FRY: variants seen among roughly 807,000 people sequenced by gnomAD.
The protein encoded by FRY is FRY microtubule binding protein.
A neutral mutation model predicts 348.4 loss-of-function variants in FRY; 128 were observed. The observed-to-expected ratio is 0.37, with a 90% CI of 0.32 to 0.43. The LOEUF is 0.43. FRY is among the 20% of genes least tolerant of loss of function. FRY has a pLI of 1.00. For missense variants in FRY, 2,736 were observed against 3,695.2 expected (o/e 0.74, Z 6.73); for synonymous variants, 1,370 against 1,374.7 (o/e 1.00, Z 0.08).
intron 59 of FRY, among the ~76,000 whole-genome samples, chr13:32,292,823 A>AATAG (rs1889442852): frequency 6.6e-6 from 1 of 151,686 alleles, no homozygotes; most frequent in African/African-American, 2.4e-5. Flanking sequence ...TAAATAAATA[A>AATAG]ATAAAGCAAA....
intron 36 of FRY, among the ~76,000 whole-genome samples, chr13:32,219,112 G>A (rs1286194863): frequency 1.4e-5 from 2 of 138,936 alleles, no homozygotes; most frequent in South Asian, 2.2e-4. Context: ...TTTTTGAGAC[G>A]GAGTCTCGCT....
chr13:32,141,495 T>G (rs1880068087), intron 11 of FRY, among the ~76,000 whole-genome samples: 1 of 152,244 alleles, frequency 6.6e-6, no homozygotes, highest in Non-Finnish European at 1.5e-5. Context: ...ATTATCTGTC[T>G]CACTAGGTCT....
chr13:32,201,878 A>T (rs955285491), intron 29 of FRY, 63 bp from the exon 30 acceptor site: 2 of 918,016 alleles, frequency 2.2e-6, no homozygotes, highest in African/African-American at 3.2e-5. Context: ...TTTAAGAGGT[A>T]ACAATCTAGC....
chr13:32,098,270 A>T (rs1876898408), intron 2 of FRY, among the ~76,000 whole-genome samples: 1 of 152,100 alleles, frequency 6.6e-6, no homozygotes, highest in South Asian at 2.1e-4. Flanking sequence ...AATAAATACT[A>T]TATGTATTCA....
intron 56 of FRY, among the ~76,000 whole-genome samples, chr13:32,276,018 G>A (rs1017439858): frequency 1.3e-5 from 2 of 152,096 alleles, no homozygotes; most frequent in Non-Finnish European, 2.9e-5. Context: ...TTTGGTGGCT[G>A]TCTTATAGCA....
chr13:32,150,667 G>T (rs1593670627), intron 14 of FRY, among the ~76,000 whole-genome samples: 1 of 152,072 alleles, frequency 6.6e-6, no homozygotes, highest in East Asian at 1.9e-4. Context: ...AAGGAAGAAA[G>T]AGAGAGAGAG....
intron 4 of FRY, among the ~76,000 whole-genome samples, chr13:32,122,523 C>T (rs963863383): frequency 2.0e-5 from 3 of 151,534 alleles, no homozygotes; most frequent in Non-Finnish European, 4.4e-5. Flanking sequence ...AATCGGCATA[C>T]AAGGGACATA....
intron 3 of FRY, among the ~76,000 whole-genome samples, chr13:32,116,742 G>A (rs1420342920): frequency 2.0e-5 from 3 of 152,094 alleles, no homozygotes; most frequent in East Asian, 1.9e-4. Flanking sequence ...TTCTACCAAA[G>A]GCACATTTGT....
chr13:32,209,875 T>C (rs1884586211), intron 33 of FRY, 144 bp downstream of exon 33: 2 of 852,628 alleles, frequency 2.3e-6, no homozygotes, highest in East Asian at 5.2e-5. Context: ...CATCCAGATA[T>C]TACATAAAAG....
At chr13:32,045,415 C>A (rs1163428902) in intron 1 of FRY, among the ~76,000 whole-genome samples, 1 of 152,204 alleles carries the variant, frequency 6.6e-6, no homozygotes, top group Non-Finnish European at 1.5e-5. Flanking sequence ...GCTGCTACTG[C>A]CTTTCCAGGA....
Position 32,231,293 on chromosome 13 carries a change from C to A in FRY, c.5520C>A (p.Ser1840=), listed in dbSNP as rs1427984229. ...LRHVVSVFKD[S]KSGFHLEHQL... ...ACGTTGTATCTGTATTTAAAGATTC[C>A]AAATCAGGTACTTCATCTTATTTGC... Residue 1840 remains serine (S), a synonymous_variant, in exon 41 of 61, where the codon TCC becomes TCA. Transcript: ENST00000542859. 6 of 1,613,048 alleles carry A rather than the reference C, an allele frequency of 3.7e-6. No individual in the cohort carries two copies. Among genetic ancestry groups the A allele is most frequent in the South Asian group, 1.1e-5 (1 of 91,058 alleles).
chr13:32,202,926 G>A (rs1327803033), intron 31 of FRY, among the ~76,000 whole-genome samples: 1 of 146,548 alleles, frequency 6.8e-6, no homozygotes, highest in Non-Finnish European at 1.5e-5. Flanking sequence ...CCCAACCTGG[G>A]CAACAGAGTG....
chr13:32,254,456 C>A (rs1593806316), intron 51 of FRY, 62 bp downstream of exon 51: 3 of 1,363,102 alleles, frequency 2.2e-6, no homozygotes, highest in East Asian at 4.6e-5. Flanking sequence ...TGAAACTATT[C>A]TTTTTACCTG....
intron 31 of FRY, among the ~76,000 whole-genome samples, chr13:32,208,228 A>C (rs545171066): frequency 6.6e-6 from 1 of 152,210 alleles, no homozygotes; most frequent in Non-Finnish European, 1.5e-5. Flanking sequence ...AGAGATCCGC[A>C]TGTCACTTTT....
intron 58 of FRY, among the ~76,000 whole-genome samples, chr13:32,279,021 A>G (rs1888685683): frequency 6.6e-6 from 1 of 152,220 alleles, no homozygotes; most frequent in African/African-American, 2.4e-5. Flanking sequence ...ATGGATGAAA[A>G]TCATTCATTC....
chr13:32,114,540 A>G (rs1189121912), intron 3 of FRY, among the ~76,000 whole-genome samples: 1 of 152,182 alleles, frequency 6.6e-6, no homozygotes, highest in Non-Finnish European at 1.5e-5. Context: ...CCAAGATACC[A>G]TTCAGCATAC....
Position 32,236,170 on chromosome 13 carries a change from C to A in FRY, c.5808C>A (p.Ser1936=). 3 of 1,604,804 alleles carry A rather than the reference C, an allele frequency of 1.9e-6. No homozygotes were observed. Among genetic ancestry groups the A allele is most frequent in the Non-Finnish European group, 2.6e-6 (3 of 1,171,724 alleles). ...LKNSDLLTVL[S]RSSSPDLSSS... is the part of the protein sequence containing the mutation. ...ACAGTGACCTCCTAACTGTATTGTCCCGGTGAGAATCAGCTTAATGATACT... is the reference window on the plus strand; with the variant it reads ...ACAGTGACCTCCTAACTGTATTGTCACGGTGAGAATCAGCTTAATGATACT... The change falls in exon 43 of 61, where the codon TCC becomes TCA. Residue 1936 remains serine, a splice_region_variant and synonymous_variant. Transcript: ENST00000542859.
rs536940516 is a variant in FRY at position 32,223,974 on chromosome 13, T to C, written c.4766-261T>C. 3.9e-4 allele frequency among the ~76,000 whole-genome samples: 60 copies of C among 152,072 alleles called. No individual in the cohort carries two copies. In the South Asian group the frequency reaches 4.6e-3, roughly 12 times the overall value. Reference sequence around the variant, plus strand: ...CTGGTTTTGAACTCCTGACCTCAGGTGATCCACCCACCTCAGCCTCCCAAA... The same window carrying C: ...CTGGTTTTGAACTCCTGACCTCAGGCGATCCACCCACCTCAGCCTCCCAAA... On this transcript the variant is annotated intron_variant, in intron 36 of 60. Coordinates refer to ENST00000542859, the MANE Select transcript of FRY (RefSeq NM_023037.3).
chr13:32,208,827 C>T (rs1415761971), intron 31 of FRY, 26 bp from the exon 32 acceptor site: 7 of 1,613,720 alleles, frequency 4.3e-6, no homozygotes, highest in Non-Finnish European at 5.9e-6. Flanking sequence ...GTATGGATGA[C>T]TCTCTGTCAC....
Sources: allele counts gnomAD v4.1 joint callset (sites outside exome capture counted in the v4.1 genomes callset), GRCh38; gene constraint gnomAD v4.1.1; transcripts MANE v1.5; gene names NCBI Gene and HGNC (gene_info 2026-07-23, HGNC 2026-07-21).